The following UBE2D2 variants were observed in gnomAD, a reference collection of about 807,000 sequenced individuals.
UBE2D2 encodes the protein ubiquitin-conjugating enzyme E2 D2.
Under a neutral mutation model 24.2 loss-of-function variants are expected in UBE2D2, and 2 were observed. That is an observed-to-expected ratio of 0.08 (90% CI 0.03 to 0.26). UBE2D2 has a LOEUF of 0.26. Among genes scored for constraint, UBE2D2 ranks in the 10% least tolerant of loss-of-function variants. UBE2D2 has a pLI of 1.00. For synonymous variants in UBE2D2, 58 were observed against 56.5 expected (o/e 1.03, Z -0.12); for missense variants, 44 against 177.6 (o/e 0.25, Z 4.28).
chr5:139,536,976 G>A lies in UBE2D2; in HGVS notation c.-64+10364G>A, dbSNP rs373614021. ...GGGCGGAACACGAGGTCAGGAGATC[G>A]AGACCATCCTGGCTAACATGGTGAA... On this transcript the variant is annotated intron_variant, in intron 1 of 6. Coordinates refer to the UBE2D2 transcript ENST00000511725. Among the ~76,000 whole-genome samples the A allele has an allele frequency of 3.9e-5, 6 of 152,116 alleles. No individual in the cohort carries two copies. In the East Asian group the frequency reaches 5.8e-4, roughly 15 times the overall value.
intron 1 of UBE2D2, among the ~76,000 whole-genome samples, chr5:139,565,140 T>A (rs1450774465): frequency 1.3e-5 from 2 of 152,242 alleles, no homozygotes; most frequent in African/African-American, 4.8e-5. Context: ...CATGAGTTGC[T>A]ACATCTGGGT....
chr5:139,543,336 G>T (rs918129461), intron 1 of UBE2D2, among the ~76,000 whole-genome samples: 2 of 152,216 alleles, frequency 1.3e-5, no homozygotes, highest in Non-Finnish European at 2.9e-5. Flanking sequence ...TCTGGAAGAT[G>T]AACGCTTGGC....
At chr5:139,565,891 TTTC>T (rs1753205231) in intron 1 of UBE2D2, among the ~76,000 whole-genome samples, 1 of 152,216 alleles carries the variant, frequency 6.6e-6, no homozygotes, top group Admixed American at 6.5e-5. Flanking sequence ...ACTAAAAGCT[TTTC>T]TTAACAGTAA....
chr5:139,561,997 C>G (rs749825992), intron 1 of UBE2D2, 182 bp downstream of exon 1: 158 of 954,236 alleles, frequency 1.7e-4, no homozygotes, highest in Non-Finnish European at 2.2e-4. Context: ...GCGCGCAGCC[C>G]GCGCTTAGGC....
At chr5:139,560,652 G>A (rs139979599), upstream of UBE2D2, among the ~76,000 whole-genome samples, 440 of 152,252 alleles carry the variant, frequency 2.9e-3, 3 homozygotes, top group Non-Finnish European at 4.7e-3. Flanking sequence ...ACTATTTGGG[G>A]CACACACTGT....
intron 1 of UBE2D2, among the ~76,000 whole-genome samples, chr5:139,592,569 AC>A (rs374944749): frequency 3.3e-3 from 482 of 144,584 alleles, no homozygotes; most frequent in African/African-American, 0.012. Flanking sequence ...TACTGGTTTA[AC>A]TGTTGTTTCT....
intron 1 of UBE2D2, among the ~76,000 whole-genome samples, chr5:139,527,170 CAGA>C (rs966476700): frequency 4.7e-4 from 71 of 152,264 alleles, no homozygotes; most frequent in African/African-American, 1.6e-3. Context: ...GGTTGGCTAT[CAGA>C]AGAAAGCCTG....
intron 1 of UBE2D2, among the ~76,000 whole-genome samples, chr5:139,536,513 G>A (rs1177315271): frequency 6.6e-6 from 1 of 152,098 alleles, no homozygotes; most frequent in Non-Finnish European, 1.5e-5. Context: ...ACAGGCACAC[G>A]TGACCAAACC....
chr5:139,600,323 A>G, intron 1 of UBE2D2, 49 bp from the exon 2 acceptor site: 1 of 1,586,924 alleles, frequency 6.3e-7, no homozygotes, highest in Non-Finnish European at 8.6e-7. Flanking sequence ...GTAATGGATA[A>G]AAGGTACATT....
intron 2 of UBE2D2, among the ~76,000 whole-genome samples, chr5:139,601,741 C>T (rs1293724864): frequency 6.6e-6 from 1 of 151,988 alleles, no homozygotes; most frequent in Non-Finnish European, 1.5e-5. Context: ...AACCCCGCCT[C>T]TACTAAAAAT....
chr5:139,544,315 T>G (rs1162116930), intron 1 of UBE2D2, among the ~76,000 whole-genome samples: 1 of 150,884 alleles, frequency 6.6e-6, no homozygotes, highest in Non-Finnish European at 1.5e-5. Flanking sequence ...TAGACAGAGT[T>G]TTGCTCTTGT....
At chr5:139,547,349 CA>C (rs1039109730) in intron 1 of UBE2D2, among the ~76,000 whole-genome samples, 19 of 152,154 alleles carry the variant, frequency 1.2e-4, no homozygotes, top group Admixed American at 9.8e-4. Flanking sequence ...TATCATGAGT[CA>C]GGGGGTAATT....
At chr5:139,540,084 T>C (rs1473242780) in intron 1 of UBE2D2, among the ~76,000 whole-genome samples, 2 of 151,722 alleles carry the variant, frequency 1.3e-5, no homozygotes, top group African/African-American at 4.8e-5. Context: ...TACGCCTGGC[T>C]AATTTTGTAT....
intron 1 of UBE2D2, among the ~76,000 whole-genome samples, chr5:139,567,101 C>G (rs538787531): frequency 1.3e-5 from 2 of 151,970 alleles, no homozygotes; most frequent in South Asian, 2.1e-4. Flanking sequence ...ATTAAGTTTT[C>G]TTGTTTGTTT....
At chr5:139,589,114 A>C (rs1278637064) in intron 1 of UBE2D2, among the ~76,000 whole-genome samples, 2 of 152,132 alleles carry the variant, frequency 1.3e-5, no homozygotes, top group Non-Finnish European at 2.9e-5. Context: ...TCTTCTTAGC[A>C]GAGCGTCTTT....
chr5:139,606,183 A>T (rs970741849), intron 2 of UBE2D2, among the ~76,000 whole-genome samples: 2 of 150,466 alleles, frequency 1.3e-5, no homozygotes, highest in Middle Eastern at 3.5e-3. Flanking sequence ...TTTTTTTGAG[A>T]TGGAGTCTCA....
Position 139,616,558 on chromosome 5 carries a change from G to T in UBE2D2, c.304+1592G>T, listed in dbSNP as rs550887703. Among the ~76,000 whole-genome samples the T allele has an allele frequency of 5.8e-3, 886 of 152,186 alleles. 12 individuals carry two copies. The highest frequency in any genetic ancestry group is 0.018 in the African/African-American group (755 of 41,514). ...CAAAGAATAAATAAATGAATGTTAC[G>T]TTCCTATTTTTTACCTTTTTAATTA... On this transcript the variant is annotated intron_variant, in intron 5 of 6. Transcript: ENST00000398733.
In UBE2D2 at chr5:139,626,807, G is replaced by A. The variant is rs1457836916; in HGVS notation, c.*6G>A. 6.2e-7 allele frequency: 1 copy of A among 1,610,998 alleles called. No individual in the cohort carries two copies. Among genetic ancestry groups the A allele is most frequent in the Non-Finnish European group, 8.5e-7 (1 of 1,177,816 alleles). On this transcript the variant is annotated 3_prime_UTR_variant, in exon 7 of 7. Coordinates refer to ENST00000398733, the MANE Select transcript of UBE2D2 (RefSeq NM_003339.3). ...CTCAGAAGTATGCGATGTAATTAAA[G>A]AAATTATTGGATAACCTCTACAAAT...
At chr5:139,540,357 C>G (rs182870504) in intron 1 of UBE2D2, among the ~76,000 whole-genome samples, 95 of 151,968 alleles carry the variant, frequency 6.3e-4, no homozygotes, top group Middle Eastern at 3.4e-3. Context: ...ATCGACATAA[C>G]CTTCTATGTG....
Sources: allele counts gnomAD v4.1 joint callset (sites outside exome capture counted in the v4.1 genomes callset), GRCh38; gene constraint gnomAD v4.1.1; transcripts MANE v1.5; gene names NCBI Gene and HGNC (gene_info 2026-07-23, HGNC 2026-07-21).